LRIG3: variants seen among roughly 807,000 people sequenced by gnomAD.
LRIG3 encodes leucine-rich repeats and immunoglobulin-like domains protein 3.
In LRIG3, 76 loss-of-function variants were observed where a neutral mutation model predicts 114.5. The observed-to-expected ratio is 0.66, with a 90% CI of 0.55 to 0.80. The LOEUF (loss-of-function observed/expected upper bound fraction) is 0.80. Among genes scored for constraint, LRIG3 ranks in the 30% least tolerant of loss-of-function variants. The probability of loss-of-function intolerance (pLI) is 0.00; values close to 1 mark genes in which losing one functional copy is unlikely to be tolerated. For synonymous variants in LRIG3, 512 were observed against 519.8 expected (o/e 0.98, Z 0.20); for missense variants, 1,239 against 1,382.8 (o/e 0.90, Z 1.65).
intron 14 of LRIG3, among the ~76,000 whole-genome samples, chr12:58,878,276 C>G (rs1870997272): frequency 6.6e-6 from 1 of 152,116 alleles, no homozygotes; most frequent in Admixed American, 6.5e-5. Flanking sequence ...TATTAAAACT[C>G]TGACAATAAT....
chr12:58,878,809 A>G lies in LRIG3; in HGVS notation c.2083+15T>C, dbSNP rs771439047. ...AGACTGATTTATACTACAGAATCTT[A>G]ACAAATTCACCCACCTAGGACAGTC... On this transcript the variant is annotated intron_variant, in intron 14 of 18. Transcript: ENST00000320743. 6.2e-7 allele frequency: 1 copy of G among 1,606,064 alleles called. No homozygotes were observed. Among genetic ancestry groups the G allele is most frequent in the South Asian group, 1.1e-5 (1 of 90,508 alleles).
At chr12:58,911,212 A>C (rs530658791) in intron 3 of LRIG3, among the ~76,000 whole-genome samples, 1 of 152,294 alleles carries the variant, frequency 6.6e-6, no homozygotes, top group African/African-American at 2.4e-5. Flanking sequence ...CTATCATCCC[A>C]GATTCCCTGA....
At chr12:58,885,946 T>C (rs759486147) in intron 9 of LRIG3, 44 bp from the exon 10 acceptor site, 2 of 1,358,274 alleles carry the variant, frequency 1.5e-6, no homozygotes, top group Non-Finnish European at 1.0e-6. Flanking sequence ...TAAAAAGCCA[T>C]TTTGGGGTGG....
intron 10 of LRIG3, among the ~76,000 whole-genome samples, chr12:58,884,471 T>C (rs950590337): frequency 6.6e-6 from 1 of 152,216 alleles, no homozygotes; most frequent in African/African-American, 2.4e-5. Flanking sequence ...TTAAGAAAAC[T>C]GAAGCAGAGA....
chr12:58,882,637 C>T (rs1871157488), intron 12 of LRIG3, among the ~76,000 whole-genome samples: 1 of 152,142 alleles, frequency 6.6e-6, no homozygotes, highest in African/African-American at 2.4e-5. Flanking sequence ...ATTTCATTCT[C>T]ATTCCACCGC....
intron 3 of LRIG3, among the ~76,000 whole-genome samples, chr12:58,903,977 T>C (rs951629993): frequency 6.6e-6 from 1 of 152,102 alleles, no homozygotes; most frequent in Non-Finnish European, 1.5e-5. Context: ...AGCCTTGTAG[T>C]ATAGTTTGAA....
Position 58,877,958 on chromosome 12 carries a change from C to A in LRIG3, c.2084-106G>T. On this transcript the variant is annotated intron_variant, in intron 14 of 18. Coordinates refer to ENST00000320743, the MANE Select transcript of LRIG3 (RefSeq NM_153377.5). ...AAATTGTAACCTAAAATTTTATTCT[C>A]CCACAACTTACTGGACACACTTTTC... 4 of 1,130,078 alleles carry A rather than the reference C, an allele frequency of 3.5e-6. No individual in the cohort carries two copies. In the South Asian group the frequency reaches 6.5e-5, roughly 18 times the overall value. The allele number at this position is 1,130,078 out of a possible 1,614,324, so 70.0% of individuals were successfully genotyped here.
chr12:58,900,434 T>TC (rs1372843420), intron 3 of LRIG3, among the ~76,000 whole-genome samples: 1 of 152,148 alleles, frequency 6.6e-6, no homozygotes, highest in Non-Finnish European at 1.5e-5. Context: ...GTATGCACTT[T>TC]TTATTCTTTT....
At chr12:58,902,694 T>C (rs1274402862) in intron 3 of LRIG3, among the ~76,000 whole-genome samples, 1 of 151,656 alleles carries the variant, frequency 6.6e-6, no homozygotes, top group Non-Finnish European at 1.5e-5. Flanking sequence ...GCATTAGTTA[T>C]ATCTCCTAAT....
At chr12:58,910,003 T>C (rs1478152163) in intron 3 of LRIG3, among the ~76,000 whole-genome samples, 5 of 152,194 alleles carry the variant, frequency 3.3e-5, no homozygotes, top group Non-Finnish European at 5.9e-5. Flanking sequence ...TGGCTTTCCA[T>C]TGGTAGAGTA....
At position 58,877,868 on chromosome 12, in the gene LRIG3, A is replaced by T. The variant is rs371314702; in HGVS notation, c.2084-16T>A. The stretch of plus-strand genomic sequence containing the variant: ...GATGGTGTTTCTGAAATAACAAGTT[A>T]TGCTTTTAATTTCCCAAATAAAATT... On this transcript the variant is annotated splice_polypyrimidine_tract_variant and intron_variant, in intron 14 of 18. Transcript: ENST00000320743. 1.9e-6 allele frequency: 3 copies of T among 1,581,676 alleles called. No homozygotes were observed. Among genetic ancestry groups the T allele is most frequent in the African/African-American group, 2.7e-5 (2 of 73,726 alleles).
In LRIG3 at chr12:58,895,844, G is replaced by A. The variant is rs934729445; in HGVS notation, c.384-5048C>T. On this transcript the variant is annotated intron_variant, in intron 3 of 18. Coordinates refer to ENST00000320743, the MANE Select transcript of LRIG3 (RefSeq NM_153377.5). ...CGACCTTGATGCCCACTTGGGGGGC[G>A]AAACATCACACTTCCTCTGGTTTCC... 7.2e-5 allele frequency among the ~76,000 whole-genome samples: 11 copies of A among 152,132 alleles called. No individual in the cohort carries two copies. The East Asian group carries it at 1.7e-3, about 24-fold the overall frequency.
intron 3 of LRIG3, among the ~76,000 whole-genome samples, chr12:58,912,712 G>A (rs556182104): frequency 5.9e-5 from 9 of 152,240 alleles, no homozygotes; most frequent in East Asian, 1.9e-4. Context: ...TATGCAGTGC[G>A]AGGACAGCAA....
chr12:58,907,224 T>C (rs1361680598), intron 3 of LRIG3, among the ~76,000 whole-genome samples: 2 of 152,178 alleles, frequency 1.3e-5, no homozygotes, highest in East Asian at 1.9e-4. Flanking sequence ...CCAAATCCTA[T>C]TTTTCCTTGT....
intron 3 of LRIG3, among the ~76,000 whole-genome samples, chr12:58,894,058 A>C (rs1247565610): frequency 6.6e-6 from 1 of 152,210 alleles, no homozygotes; most frequent in Non-Finnish European, 1.5e-5. Context: ...TCTTTGGTTT[A>C]TATATCCGTT....
At chr12:58,889,902 TA>T in intron 5 of LRIG3, 93 bp downstream of exon 5, 1 of 1,474,638 alleles carries the variant, frequency 6.8e-7, no homozygotes, top group Non-Finnish European at 9.2e-7. Flanking sequence ...TCCTTGCTCC[TA>T]AACTCCTTTT....
At chr12:58,910,226 A>G (rs942802637) in intron 3 of LRIG3, among the ~76,000 whole-genome samples, 2 of 152,228 alleles carry the variant, frequency 1.3e-5, no homozygotes, top group East Asian at 1.9e-4. Flanking sequence ...GCAATATCTG[A>G]TAAGAATATT....
rs1272568943 is a variant in LRIG3 at position 58,887,059 on chromosome 12, C to A, written c.1092-169G>T. The A allele has an allele frequency of 9.2e-6, 5 of 544,846 alleles. No homozygotes were observed. The African/African-American group carries it at 9.7e-5, about 11-fold the overall frequency. 33.8% of individuals were successfully genotyped at this position (544,846 alleles called of 1,614,324 possible). ...TCTCCAACTTACCTCTTACACCCTG[C>A]CTGATTCCCTCAACAACATTTTAAG... On this transcript the variant is annotated intron_variant, in intron 8 of 18. Coordinates refer to ENST00000320743, the MANE Select transcript of LRIG3 (RefSeq NM_153377.5).
rs748264023 is a variant in LRIG3, at chr12:58,920,008, G to A, written c.228C>T (p.Val76=). The A allele has an allele frequency of 6.4e-7, 1 of 1,552,764 alleles. No individual in the cohort carries two copies. The highest frequency in any genetic ancestry group is 2.0e-5 in the Admixed American group (1 of 51,064). Residue 76 remains valine (V), a synonymous_variant, in exon 1 of 19, where the codon GTC becomes GTT. Coordinates refer to ENST00000320743, the MANE Select transcript of LRIG3 (RefSeq NM_153377.5). ...GCGGGAAGAATACTTACAGCCGAGC[G>A]ACCCAGGACGGGAGTGGCTCGGGAA... ...ARLPEPLPSW[V]ARLDLSHNRL...
Sources: allele counts gnomAD v4.1 joint callset (sites outside exome capture counted in the v4.1 genomes callset), GRCh38; gene constraint gnomAD v4.1.1; transcripts MANE v1.5; gene names NCBI Gene and HGNC (gene_info 2026-07-23, HGNC 2026-07-21).